The following JAK2 variants were observed in gnomAD, a reference collection of about 807,000 sequenced individuals.
The protein encoded by JAK2 is tyrosine-protein kinase JAK2.
In JAK2, 86 loss-of-function variants were observed where a neutral mutation model predicts 139.3. The observed-to-expected ratio is 0.62, with a 90% CI of 0.52 to 0.74. The LOEUF is 0.74. Ranked by LOEUF, JAK2 falls within the 30% of genes least tolerant of loss-of-function variation. The pLI, the probability that JAK2 is intolerant of heterozygous loss-of-function variation, is 0.00. For synonymous variants in JAK2, 490 were observed against 437.7 expected (o/e 1.12, Z -1.49); for missense variants, 1,421 against 1,360.3 (o/e 1.04, Z -0.70).
intron 22 of JAK2, among the ~76,000 whole-genome samples, chr9:5,113,062 T>C (rs1344672432): frequency 6.6e-6 from 1 of 152,028 alleles, no homozygotes; most frequent in Non-Finnish European, 1.5e-5. Context: ...AGGAGCTCCC[T>C]GGGACCCCGG....
intron 3 of JAK2, among the ~76,000 whole-genome samples, chr9:5,023,472 A>T (rs1193208948): frequency 1.3e-5 from 2 of 152,066 alleles, no homozygotes; most frequent in Non-Finnish European, 2.9e-5. Flanking sequence ...TCCTCACTGG[A>T]ATAGGAAATG....
At chr9:5,120,813 ATAAT>A (rs1406971677) in intron 22 of JAK2, among the ~76,000 whole-genome samples, 4 of 152,348 alleles carry the variant, frequency 2.6e-5, no homozygotes, top group South Asian at 4.1e-4. Flanking sequence ...TGCGTCAAAA[ATAAT>A]TAAGATTTTC....
At chr9:5,021,365 T>G (rs973090571) in intron 2 of JAK2, among the ~76,000 whole-genome samples, 1 of 152,212 alleles carries the variant, frequency 6.6e-6, no homozygotes, top group Non-Finnish European at 1.5e-5. Flanking sequence ...TCTCTTCTTC[T>G]GTTGTCTGTA....
At chr9:5,004,129 C>T (rs527811342) in intron 2 of JAK2, among the ~76,000 whole-genome samples, 2 of 152,070 alleles carry the variant, frequency 1.3e-5, no homozygotes, top group African/African-American at 4.8e-5. Flanking sequence ...ACATACTTAT[C>T]TTTTGTGGTG....
chr9:5,041,141 C>A, intron 4 of JAK2: 1 of 1,053,116 alleles, frequency 9.5e-7, no homozygotes, highest in Non-Finnish European at 1.4e-6. Flanking sequence ...GATCGCCATC[C>A]GGCTGATCAC....
intron 2 of JAK2, among the ~76,000 whole-genome samples, chr9:5,021,292 G>A (rs1010886040): frequency 3.3e-5 from 5 of 152,144 alleles, no homozygotes; most frequent in African/African-American, 1.2e-4. Flanking sequence ...TCTTCTTTGT[G>A]GAGCAGGTGA....
intron 2 of JAK2, among the ~76,000 whole-genome samples, chr9:5,014,238 A>C (rs1821901155): frequency 6.6e-6 from 1 of 150,956 alleles, no homozygotes; most frequent in Admixed American, 6.6e-5. Context: ...TCCTGAGCTA[A>C]AGTGATCCTC....
chr9:5,060,713 C>T (rs533942838), intron 8 of JAK2, among the ~76,000 whole-genome samples: 1 of 152,304 alleles, frequency 6.6e-6, no homozygotes, highest in Non-Finnish European at 1.5e-5. Context: ...TCAACTTCTT[C>T]CAAATTCCTG....
At chr9:5,064,792 T>A (rs930408335) in intron 8 of JAK2, 91 bp from the exon 9 acceptor site, 2 of 931,600 alleles carry the variant, frequency 2.1e-6, no homozygotes, top group African/African-American at 3.4e-5. Flanking sequence ...AGAAGAAAAT[T>A]GTATTTAACA....
intron 22 of JAK2, chr9:5,111,920 C>A: frequency 2.8e-6 from 1 of 352,272 alleles, no homozygotes. Flanking sequence ...TGGCCTCAAT[C>A]TACTCTCCGG....
chr9:4,986,511 T>A (rs1305329645), intron 2 of JAK2, among the ~76,000 whole-genome samples: 1 of 152,200 alleles, frequency 6.6e-6, no homozygotes, highest in African/African-American at 2.4e-5. Flanking sequence ...AGAAACTCCA[T>A]TTCTCTGAAT....
rs1466155785 is a variant in JAK2 at position 5,055,693 on chromosome 9, C to G, written c.961C>G (p.Pro321Ala). 1 of 1,580,212 alleles carries G rather than the reference C, an allele frequency of 6.3e-7. No individual in the cohort carries two copies. The highest frequency in any genetic ancestry group is 8.7e-7 in the Non-Finnish European group (1 of 1,151,910). Residue 321 changes from proline to alanine, a missense_variant, in exon 8 of 25, where the codon CCT becomes GCT. Transcript: ENST00000381652. ...EQDLQLYCDF[P>A]NIIDVSIKQA... Reference sequence around the variant, plus strand: ...GGATTTACAGTTATATTGCGATTTTCCTAATATTATTGATGTCAGTATTAA... The same window carrying G: ...GGATTTACAGTTATATTGCGATTTTGCTAATATTATTGATGTCAGTATTAA...
chr9:5,082,165 C>T (rs1385357113), intron 19 of JAK2, among the ~76,000 whole-genome samples: 1 of 152,162 alleles, frequency 6.6e-6, no homozygotes, highest in Non-Finnish European at 1.5e-5. Flanking sequence ...CAGTGCTCAG[C>T]ATATGGAGGA....
At chr9:5,101,032 G>C (rs1347178772) in intron 22 of JAK2, 2 of 152,292 alleles carry the variant, frequency 1.3e-5, no homozygotes, top group African/African-American at 4.8e-5. Flanking sequence ...GGACTGGTTG[G>C]ACAGGGGGTG....
intron 7 of JAK2, among the ~76,000 whole-genome samples, 179 bp downstream of exon 7, chr9:5,055,063 G>A (rs369500002): frequency 6.6e-6 from 1 of 151,830 alleles, no homozygotes; most frequent in Non-Finnish European, 1.5e-5. Context: ...TTCTTAAATG[G>A]TTTTTTCATT....
intron 2 of JAK2, among the ~76,000 whole-genome samples, chr9:4,986,786 T>G (rs1214901375): frequency 1.3e-5 from 2 of 152,208 alleles, no homozygotes; most frequent in Non-Finnish European, 2.9e-5. Context: ...CATATAGACC[T>G]TATTCACACA....
At chr9:5,041,655 C>T (rs750302764) in intron 4 of JAK2, 2 of 507,738 alleles carry the variant, frequency 3.9e-6, no homozygotes, top group Non-Finnish European at 4.0e-6. Context: ...CTACGACTAC[C>T]TGCGGAAGCT....
At position 5,080,350 on chromosome 9, in the gene JAK2, T is replaced by G. The variant is rs1819601174; in HGVS notation, c.2253T>G (p.Asp751Glu). 1.9e-6 allele frequency: 3 copies of G among 1,613,668 alleles called. No individual in the cohort carries two copies. Among genetic ancestry groups the G allele is most frequent in the Non-Finnish European group, 2.5e-6 (3 of 1,179,624 alleles). ...TGTGGGAAATCTGCAGTGGAGGAGA[T>G]AAACCTCTAAGTGCTCTGGATTCTC... ...TTLWEICSGGDKPLSALDSQR... is the reference protein window; with the variant it reads ...TTLWEICSGGEKPLSALDSQR... Residue 751 changes from aspartate to glutamate, a missense_variant, in exon 17 of 25, where the codon GAT becomes GAG. Coordinates refer to ENST00000381652, the MANE Select transcript of JAK2 (RefSeq NM_004972.4).
chr9:4,990,728 C>T (rs189993470), intron 2 of JAK2, among the ~76,000 whole-genome samples: 46 of 152,254 alleles, frequency 3.0e-4, no homozygotes, highest in Non-Finnish European at 3.8e-4. Context: ...AAGATGTATT[C>T]GTGTTTTTCC....
Sources: allele counts gnomAD v4.1 joint callset (sites outside exome capture counted in the v4.1 genomes callset), GRCh38; gene constraint gnomAD v4.1.1; transcripts MANE v1.5; gene names NCBI Gene and HGNC (gene_info 2026-07-23, HGNC 2026-07-21).